Variants in WASF3 observed in about 807,000 individuals in gnomAD.
WASF3 encodes the protein WASP family member 3.
A neutral mutation model predicts 46.6 loss-of-function variants in WASF3; 11 were observed. The ratio of observed to expected loss-of-function variants is 0.24; its 90% CI spans 0.15 to 0.39. The LOEUF (loss-of-function observed/expected upper bound fraction) is 0.39, where lower values mean the gene tolerates loss of function less well. Ranked by LOEUF, WASF3 falls within the 10% of genes least tolerant of loss-of-function variation. The pLI is 1.00. For synonymous variants in WASF3, 242 were observed against 259.7 expected (o/e 0.93, Z 0.65); for missense variants, 576 against 669.8 (o/e 0.86, Z 1.55).
At chr13:26,561,933 T>C in intron 1 of WASF3, among the ~76,000 whole-genome samples, 1 of 152,194 alleles carries the variant, frequency 6.6e-6, no homozygotes, top group South Asian at 2.1e-4. Flanking sequence ...TAGTAAATAC[T>C]TGTGGTTATC....
intron 5 of WASF3, 85 bp downstream of exon 5, chr13:26,667,755 G>T: frequency 7.4e-7 from 1 of 1,344,482 alleles, no homozygotes; most frequent in Non-Finnish European, 1.0e-6. Context: ...CATTGTGTGG[G>T]AATGTCCTTG....
chr13:26,562,623 T>C (rs574604177), intron 1 of WASF3, among the ~76,000 whole-genome samples: 5 of 152,080 alleles, frequency 3.3e-5, no homozygotes, highest in Admixed American at 1.3e-4. Flanking sequence ...AGAGTTTCCA[T>C]TGGAGTTAGC....
At chr13:26,558,703 C>T (rs1292202441) in intron 1 of WASF3, among the ~76,000 whole-genome samples, 1 of 152,168 alleles carries the variant, frequency 6.6e-6, no homozygotes, top group Non-Finnish European at 1.5e-5. Context: ...CATAGGAATT[C>T]TTTCTCATTT....
intron 1 of WASF3, among the ~76,000 whole-genome samples, chr13:26,582,148 A>G (rs1230896665): frequency 6.6e-6 from 1 of 152,208 alleles, no homozygotes; most frequent in Non-Finnish European, 1.5e-5. Flanking sequence ...TGAACAAAGT[A>G]GGTTATACAT....
At chr13:26,562,702 G>C (rs1449442270) in intron 1 of WASF3, among the ~76,000 whole-genome samples, 2 of 151,972 alleles carry the variant, frequency 1.3e-5, no homozygotes, top group Non-Finnish European at 2.9e-5. Context: ...TCTTGGTGAG[G>C]AGTCTGTGGA....
chr13:26,589,265 G>A (rs959922504), intron 1 of WASF3, among the ~76,000 whole-genome samples: 2 of 152,296 alleles, frequency 1.3e-5, no homozygotes, highest in Non-Finnish European at 2.9e-5. Flanking sequence ...TGTTCTATCA[G>A]ACATGAAGTT....
At chr13:26,665,495 A>G (rs1882743203) in intron 4 of WASF3, among the ~76,000 whole-genome samples, 1 of 152,228 alleles carries the variant, frequency 6.6e-6, no homozygotes, top group African/African-American at 2.4e-5. Context: ...CCTAAAACTT[A>G]CAGAGCCACT....
At chr13:26,570,950 G>A (rs1039108567) in intron 1 of WASF3, among the ~76,000 whole-genome samples, 1 of 152,128 alleles carries the variant, frequency 6.6e-6, no homozygotes, top group Non-Finnish European at 1.5e-5. Flanking sequence ...TTTATAGCCT[G>A]CTAGTTAGAG....
At chr13:26,628,630 A>G (rs1364208816) in intron 2 of WASF3, among the ~76,000 whole-genome samples, 1 of 152,222 alleles carries the variant, frequency 6.6e-6, no homozygotes, top group Non-Finnish European at 1.5e-5. Flanking sequence ...CTCTGCCAGT[A>G]CGGAGATTCC....
intron 3 of WASF3, among the ~76,000 whole-genome samples, chr13:26,651,830 A>G (rs1395664352): frequency 6.6e-6 from 1 of 152,254 alleles, no homozygotes; most frequent in Non-Finnish European, 1.5e-5. Flanking sequence ...AAAGTGATAA[A>G]TAGACTTACA....
the WASF3 span, among the ~76,000 whole-genome samples, chr13:26,543,405 GCT>G: frequency 6.6e-6 from 1 of 152,118 alleles, no homozygotes; most frequent in Non-Finnish European, 1.5e-5. Flanking sequence ...AAAGCTTTTA[GCT>G]TTCAATATAA....
At chr13:26,599,059 C>T (rs941131162) in intron 1 of WASF3, among the ~76,000 whole-genome samples, 2 of 151,974 alleles carry the variant, frequency 1.3e-5, no homozygotes, top group African/African-American at 4.8e-5. Flanking sequence ...TTAGTAGAGA[C>T]AGGGCTTCGC....
chr13:26,580,713 C>T (rs1879953674), intron 1 of WASF3, among the ~76,000 whole-genome samples: 1 of 151,380 alleles, frequency 6.6e-6, no homozygotes, highest in African/African-American at 2.4e-5. Context: ...TCAACCTCCG[C>T]CTCCCGGGTT....
At chr13:26,553,055 T>A (rs1156389194), upstream of WASF3, among the ~76,000 whole-genome samples, 2 of 152,182 alleles carry the variant, frequency 1.3e-5, no homozygotes, top group African/African-American at 4.8e-5. Flanking sequence ...TTAAAAATAG[T>A]TGTGAAGCAT....
intron 1 of WASF3, among the ~76,000 whole-genome samples, chr13:26,567,918 G>A (rs1307292808): frequency 6.6e-6 from 1 of 152,104 alleles, no homozygotes; most frequent in Admixed American, 6.6e-5. Flanking sequence ...TATGTGAGAT[G>A]ACATTTGAGC....
chr13:26,679,190 G>A lies in WASF3; in HGVS notation c.717-1864G>A, dbSNP rs928495163. ...CCACTCACCTCCACCTTGGCCGTGC[G>A]TCTGCAGCTGGTTTCTGCCTCCCCA... On this transcript the variant is annotated intron_variant, in intron 7 of 9. Coordinates refer to ENST00000335327, the MANE Select transcript of WASF3 (RefSeq NM_006646.6). The surrounding 1 kb of genome is among the most constrained non-coding windows in gnomAD (Gnocchi z 4.8). Among the ~76,000 whole-genome samples, 4 of 152,076 alleles carry A rather than the reference G, an allele frequency of 2.6e-5. No individual in the cohort carries two copies. The highest frequency in any genetic ancestry group is 4.4e-5 in the Non-Finnish European group (3 of 68,016).
At chr13:26,585,331 T>A (rs1880098425) in intron 1 of WASF3, among the ~76,000 whole-genome samples, 1 of 147,706 alleles carries the variant, frequency 6.8e-6, no homozygotes, top group Admixed American at 6.8e-5. Context: ...GCTGATATGC[T>A]GTTACGTTAG....
chr13:26,577,376 C>G, intron 1 of WASF3: 1 of 769,308 alleles, frequency 1.3e-6, no homozygotes, highest in Non-Finnish European at 2.4e-6. Context: ...CCGCCAAATC[C>G]GGAAGAATAT....
chr13:26,670,343 T>C (rs1374002155), intron 5 of WASF3, among the ~76,000 whole-genome samples: 1 of 151,128 alleles, frequency 6.6e-6, no homozygotes, highest in Non-Finnish European at 1.5e-5. Flanking sequence ...ACCGGGCCTG[T>C]TGGGGGGTGA....
Sources: gnomAD v4.1 joint callset for allele counts (sites outside exome capture counted in the v4.1 genomes callset) on GRCh38, gnomAD v4.1.1 for gene constraint, Gnocchi (gnomAD v3.1) non-coding constraint, MANE v1.5 for transcripts, NCBI Gene and HGNC (gene_info 2026-07-23, HGNC 2026-07-21) for gene names.